Variants in TYR observed in about 807,000 individuals in gnomAD.
TYR encodes the protein tyrosinase, also known as LB24-AB.
Under a neutral mutation model 51.5 loss-of-function variants are expected in TYR, and 58 were observed. That is an observed-to-expected ratio of 1.13 (90% CI 0.91 to 1.40). TYR has a LOEUF of 1.40. Ranked by LOEUF, TYR falls within the 40% of genes most tolerant of loss-of-function variation. The probability of loss-of-function intolerance (pLI) is 0.00; values close to 1 mark genes in which losing one functional copy is unlikely to be tolerated. For synonymous variants in TYR, 263 were observed against 235.2 expected, an observed-to-expected ratio of 1.12 and a Z score of -1.08; for missense variants, 732 against 647.4, an observed-to-expected ratio of 1.13 and a Z score of -1.42.
chr11:89,240,662 C>T (rs1370500969), intron 3 of TYR, among the ~76,000 whole-genome samples: 1 of 151,998 alleles, frequency 6.6e-6, no homozygotes, highest in Admixed American at 6.6e-5. Flanking sequence ...TACAGTAGTA[C>T]TATCTGTAAA....
chr11:89,232,342 G>A (rs138132181), intron 3 of TYR, among the ~76,000 whole-genome samples: 1 of 143,070 alleles, frequency 7.0e-6, no homozygotes, highest in East Asian at 2.0e-4. Context: ...AAGAAAATGT[G>A]GTACATTTAC....
chr11:89,207,216 C>T (rs544164345), intron 2 of TYR, among the ~76,000 whole-genome samples: 33 of 151,778 alleles, frequency 2.2e-4, no homozygotes, highest in Non-Finnish European at 3.7e-4. Context: ...ATAAAATTGA[C>T]GAATTAGCAA....
chr11:89,293,241 T>G (rs1343872430), intron 4 of TYR, among the ~76,000 whole-genome samples: 1 of 152,098 alleles, frequency 6.6e-6, no homozygotes, highest in Non-Finnish European at 1.5e-5. Flanking sequence ...TTGCTCAGTA[T>G]GATGGCATCT....
At chr11:89,276,514 A>T (rs1162068394) in intron 3 of TYR, among the ~76,000 whole-genome samples, 6 of 151,594 alleles carry the variant, frequency 4.0e-5, no homozygotes, top group East Asian at 3.9e-4. Flanking sequence ...CTTTTTTTTT[A>T]AAGTATGATT....
intron 3 of TYR, among the ~76,000 whole-genome samples, chr11:89,251,911 T>C (rs897580519): frequency 2.0e-4 from 30 of 151,850 alleles, no homozygotes; most frequent in African/African-American, 6.3e-4. Flanking sequence ...GTACTCAGTG[T>C]TGAGGTATGG....
At chr11:89,227,141 TAGA>T (rs1311510361) in intron 2 of TYR, among the ~76,000 whole-genome samples, 1 of 152,154 alleles carries the variant, frequency 6.6e-6, no homozygotes, top group Non-Finnish European at 1.5e-5. Flanking sequence ...ACTGTAAAGA[TAGA>T]AGAACATATG....
intron 3 of TYR, among the ~76,000 whole-genome samples, chr11:89,241,999 C>A (rs1472399175): frequency 6.6e-6 from 1 of 151,648 alleles, no homozygotes; most frequent in East Asian, 1.9e-4. Context: ...ATTTTTTGAG[C>A]AATTTAAATC....
chr11:89,255,672 A>C (rs1297548462), intron 3 of TYR, among the ~76,000 whole-genome samples: 1 of 151,706 alleles, frequency 6.6e-6, no homozygotes, highest in Admixed American at 6.6e-5. Context: ...ATTTTGTTTA[A>C]ATTGTCAAAT....
chr11:89,216,647 C>CAAAAAAAAAAAAAAAAAAAAAAAA (rs11411684), intron 2 of TYR, among the ~76,000 whole-genome samples: 4 of 80,796 alleles, frequency 5.0e-5, no homozygotes, highest in African/African-American at 9.2e-5. Flanking sequence ...TTTTCCATCT[C>CAAAAAAAAAAAAAAAAAAAAAAAA]AAAAAAAAAA....
chr11:89,239,333 A>G (rs934408119), intron 3 of TYR, among the ~76,000 whole-genome samples: 4 of 151,332 alleles, frequency 2.6e-5, no homozygotes, highest in African/African-American at 9.7e-5. Flanking sequence ...GAATTTATCT[A>G]TTTTCTTCTA....
chr11:89,258,161 T>C (rs1944416848), intron 3 of TYR, among the ~76,000 whole-genome samples: 1 of 151,944 alleles, frequency 6.6e-6, no homozygotes, highest in Non-Finnish European at 1.5e-5. Flanking sequence ...AGGCGGAAAA[T>C]TTTCTTCTCA....
At chr11:89,203,483 C>G (rs1943626848) in intron 2 of TYR, among the ~76,000 whole-genome samples, 1 of 152,108 alleles carries the variant, frequency 6.6e-6, no homozygotes, top group African/African-American at 2.4e-5. Flanking sequence ...TTGTCAATAA[C>G]AAAAGTATAC....
chr11:89,276,421 G>A (rs1944655284), intron 3 of TYR, among the ~76,000 whole-genome samples: 2 of 151,812 alleles, frequency 1.3e-5, no homozygotes, highest in Admixed American at 1.3e-4. Context: ...ACACTAAAGT[G>A]TCAGAGAAAG....
chr11:89,243,462 AGT>A (rs763383176), intron 3 of TYR, among the ~76,000 whole-genome samples: 1 of 152,146 alleles, frequency 6.6e-6, no homozygotes, highest in East Asian at 1.9e-4. Context: ...CAGTCTTTTG[AGT>A]CTCCAAGAAT....
At chr11:89,258,985 A>G (rs1944426798) in intron 3 of TYR, among the ~76,000 whole-genome samples, 1 of 152,094 alleles carries the variant, frequency 6.6e-6, no homozygotes, top group Non-Finnish European at 1.5e-5. Flanking sequence ...AATCTATTGC[A>G]AAAGTATTTC....
At chr11:89,262,872 A>C (rs1190257261) in intron 3 of TYR, among the ~76,000 whole-genome samples, 1 of 127,890 alleles carries the variant, frequency 7.8e-6, no homozygotes, top group Non-Finnish European at 1.6e-5. Flanking sequence ...AAAAAAAAAA[A>C]CAACAACAAC....
intron 3 of TYR, among the ~76,000 whole-genome samples, chr11:89,258,989 G>A (rs1944426869): frequency 6.6e-6 from 1 of 151,994 alleles, no homozygotes; most frequent in Non-Finnish European, 1.5e-5. Flanking sequence ...TATTGCAAAA[G>A]TATTTCTCAA....
intron 3 of TYR, among the ~76,000 whole-genome samples, chr11:89,274,410 A>G (rs942610857): frequency 6.6e-6 from 1 of 151,840 alleles, no homozygotes; most frequent in East Asian, 2.0e-4. Context: ...AATAGCAAAT[A>G]CTTAAAATGT....
chr11:89,255,688 G>A (rs1944382298), intron 3 of TYR, among the ~76,000 whole-genome samples: 1 of 151,662 alleles, frequency 6.6e-6, no homozygotes. Context: ...CAAATTAGTG[G>A]TATACAATAA....
Sources: allele counts gnomAD v4.1 joint callset (sites outside exome capture counted in the v4.1 genomes callset), GRCh38; gene constraint gnomAD v4.1.1; transcripts MANE v1.5; gene names NCBI Gene and HGNC (gene_info 2026-07-23, HGNC 2026-07-21).